SLCO3A1: variants seen among roughly 807,000 people sequenced by gnomAD.
The protein encoded by SLCO3A1 is solute carrier organic anion transporter family member 3A1.
A neutral mutation model predicts 63.1 loss-of-function variants in SLCO3A1; 27 were observed. The ratio of observed to expected loss-of-function variants is 0.43; its 90% CI spans 0.32 to 0.59. SLCO3A1 has a LOEUF of 0.59. SLCO3A1 is among the 20% of genes least tolerant of loss of function. The pLI is 0.09. For missense variants in SLCO3A1, 773 were observed against 945.8 expected (o/e 0.82, Z 2.40); for synonymous variants, 473 against 409.9 (o/e 1.15, Z -1.86).
At chr15:92,120,730 C>T in intron 5 of SLCO3A1, 101 bp downstream of exon 5, 1 of 958,606 alleles carries the variant, frequency 1.0e-6, no homozygotes, top group South Asian at 1.5e-5. Context: ...CCACTCTGCT[C>T]TGGGCCTACA....
chr15:92,072,438 C>A (rs2047227930), intron 2 of SLCO3A1, among the ~76,000 whole-genome samples: 1 of 152,056 alleles, frequency 6.6e-6, no homozygotes, highest in African/African-American at 2.4e-5. Flanking sequence ...GAGAGATGAC[C>A]CACCAGGGGT....
intron 1 of SLCO3A1, among the ~76,000 whole-genome samples, chr15:91,905,461 A>C (rs1474198772): frequency 1.3e-5 from 2 of 152,222 alleles, no homozygotes; most frequent in Non-Finnish European, 2.9e-5. Context: ...CTAATGCAGT[A>C]TAAATGGTTC....
Position 92,162,765 on chromosome 15 carries a change from C to T in SLCO3A1, c.1763C>T (p.Pro588Leu). The T allele has an allele frequency of 6.2e-7, 1 of 1,612,876 alleles. No individual in the cohort carries two copies. Residue 588 changes from proline to leucine, a missense_variant, in exon 10 of 10, where the codon CCT becomes CTT. Transcript: ENST00000318445. Reference protein sequence around the residue: ...FLLLRLLGFIPPPLIFGAGID... With the variant: ...FLLLRLLGFILPPLIFGAGID... ...CTTTTCCCGGTAACAGGCTTCATCC[C>T]TCCACCCCTCATCTTCGGGGCTGGC...
At chr15:91,881,053 G>A (rs1350216651) in intron 1 of SLCO3A1, among the ~76,000 whole-genome samples, 1 of 152,188 alleles carries the variant, frequency 6.6e-6, no homozygotes, top group Non-Finnish European at 1.5e-5. Context: ...GGCTCTGTGT[G>A]CCCTGAGACC....
Position 91,853,728 on chromosome 15 carries a change from G to A in SLCO3A1, c.-181G>A. Reference sequence around the variant, plus strand: ...AAGGGGCGATCGCGGCGGCGGCGGCGGCGGCGAGGAGCTGTGCCTTCCACC... The same window carrying A: ...AAGGGGCGATCGCGGCGGCGGCGGCAGCGGCGAGGAGCTGTGCCTTCCACC... On this transcript the variant is annotated 5_prime_UTR_variant, in exon 1 of 10. Transcript: ENST00000318445. 1.8e-6 allele frequency: 1 copy of A among 550,508 alleles called. No homozygotes were observed. Among genetic ancestry groups the A allele is most frequent in the Non-Finnish European group, 2.4e-6 (1 of 422,110 alleles). The allele number at this position is 550,508 out of a possible 1,614,324, so 34.1% of individuals were successfully genotyped here.
At chr15:92,091,606 T>G (rs933654956) in intron 2 of SLCO3A1, among the ~76,000 whole-genome samples, 1 of 152,310 alleles carries the variant, frequency 6.6e-6, no homozygotes, top group South Asian at 2.1e-4. Context: ...TGAAGGCACT[T>G]CCCGATGCAC....
chr15:91,998,469 A>G (rs1208877091), intron 2 of SLCO3A1, among the ~76,000 whole-genome samples: 1 of 152,130 alleles, frequency 6.6e-6, no homozygotes, highest in Non-Finnish European at 1.5e-5. Context: ...TAAAAAAAAA[A>G]GTGGGCAAAA....
At chr15:92,051,933 C>A (rs1026569605) in intron 2 of SLCO3A1, among the ~76,000 whole-genome samples, 2 of 152,126 alleles carry the variant, frequency 1.3e-5, no homozygotes, top group Admixed American at 6.6e-5. Flanking sequence ...CTATTTTGGG[C>A]AGATGTACTG....
In SLCO3A1 at chr15:91,941,583, A is replaced by T. The variant is rs2151400504; in HGVS notation, c.646+25125A>T. 2.2e-6 allele frequency: 1 copy of T among 455,910 alleles called. No individual in the cohort carries two copies. The highest frequency in any genetic ancestry group is 4.4e-6 in the Non-Finnish European group (1 of 226,748). 28.2% of individuals were successfully genotyped at this position (455,910 alleles called of 1,614,324 possible). A position where few individuals can be genotyped will look rare whatever the true frequency, so the allele number is the denominator to read the frequency against. ...CAGAGGTTTATTTCACTCAGTAAGT[A>T]ATCTTTTCTCTTCCTTCGTCTTGGA... On this transcript the variant is annotated intron_variant, in intron 2 of 9. Coordinates refer to ENST00000318445, the MANE Select transcript of SLCO3A1 (RefSeq NM_013272.4). This position sits in a 1 kb window ranked among gnomAD's most constrained non-coding sequence, Gnocchi z 4.4.
intron 2 of SLCO3A1, among the ~76,000 whole-genome samples, chr15:92,006,180 C>T (rs2046310675): frequency 6.6e-6 from 1 of 152,068 alleles, no homozygotes; most frequent in Non-Finnish European, 1.5e-5. Flanking sequence ...TCACATAAGC[C>T]AGGTTGTGCT....
At chr15:91,976,851 A>C (rs1220937747) in intron 2 of SLCO3A1, among the ~76,000 whole-genome samples, 2 of 152,164 alleles carry the variant, frequency 1.3e-5, no homozygotes, top group African/African-American at 4.8e-5. Context: ...AGTACTTTAC[A>C]AGGTAATAGA....
Position 91,936,175 on chromosome 15 carries a change from T to G in SLCO3A1, c.646+19717T>G, listed in dbSNP as rs537630007. Among the ~76,000 whole-genome samples, 3 of 152,342 alleles carry G rather than the reference T, an allele frequency of 2.0e-5. No homozygotes were observed. The South Asian group carries it at 6.2e-4, about 32-fold the overall frequency. On this transcript the variant is annotated intron_variant, in intron 2 of 9. Transcript: ENST00000318445. ...TAACGATTATAGGAAGTGACATGAA[T>G]AGGTGCCATGACTGGCACATAGTAA... is the stretch of plus-strand genomic sequence containing the variant.
chr15:92,047,000 TATATATAAATATATATATA>T (rs1302111835), intron 2 of SLCO3A1, among the ~76,000 whole-genome samples: 3 of 84,716 alleles, frequency 3.5e-5, no homozygotes, highest in African/African-American at 1.3e-4. Flanking sequence ...TATAAATATA[TATATATAAATATATATATA>T]ATATATAAAT....
chr15:92,163,382 A>T lies in SLCO3A1; in HGVS notation c.*247A>T. The T allele has an allele frequency of 8.8e-7, 1 of 1,138,720 alleles. No homozygotes were observed. The highest frequency in any genetic ancestry group is 4.7e-5 in the Admixed American group (1 of 21,368). 70.5% of individuals were successfully genotyped at this position (1,138,720 alleles called of 1,614,324 possible). ...GGCCACTTGCGCGGCTGGGCCACAGAGTCTACTTTGAAGGCACCTCATGGT... is the reference window on the plus strand; with the variant it reads ...GGCCACTTGCGCGGCTGGGCCACAGTGTCTACTTTGAAGGCACCTCATGGT... On this transcript the variant is annotated 3_prime_UTR_variant, in exon 10 of 10. Transcript: ENST00000318445.
intron 2 of SLCO3A1, among the ~76,000 whole-genome samples, chr15:91,995,575 T>C (rs772216389): frequency 1.4e-4 from 22 of 152,176 alleles, no homozygotes; most frequent in Non-Finnish European, 2.6e-4. Context: ...AGAGTAGTTA[T>C]ATTCTTGTGA....
chr15:92,107,685 G>T (rs2047682366), intron 4 of SLCO3A1, among the ~76,000 whole-genome samples: 1 of 152,212 alleles, frequency 6.6e-6, no homozygotes, highest in Non-Finnish European at 1.5e-5. Flanking sequence ...TGTGCCCCCT[G>T]CCATGCTCTG....
chr15:92,141,002 A>G (rs914882324), intron 7 of SLCO3A1, among the ~76,000 whole-genome samples: 8 of 152,260 alleles, frequency 5.3e-5, no homozygotes, highest in South Asian at 2.1e-4. Context: ...TGTCTGTTGG[A>G]TATGTTCTCG....
At chr15:91,928,628 C>A (rs988929452) in intron 2 of SLCO3A1, among the ~76,000 whole-genome samples, 10 of 152,334 alleles carry the variant, frequency 6.6e-5, no homozygotes, top group Admixed American at 5.2e-4. Flanking sequence ...CAGTATAGTA[C>A]CCACCTGCGG....
chr15:91,926,557 C>CTGTGTG (rs1567189095), intron 2 of SLCO3A1, among the ~76,000 whole-genome samples: 8 of 54,350 alleles, frequency 1.5e-4, no homozygotes, highest in African/African-American at 8.2e-4. Flanking sequence ...TCCTGCCAAG[C>CTGTGTG]CGTGTGTGTG....
Sources: gnomAD v4.1 joint callset for allele counts (sites outside exome capture counted in the v4.1 genomes callset) on GRCh38, gnomAD v4.1.1 for gene constraint, Gnocchi (gnomAD v3.1) non-coding constraint, MANE v1.5 for transcripts, NCBI Gene and HGNC (gene_info 2026-07-23, HGNC 2026-07-21) for gene names.